RIPOR3: variants seen among roughly 807,000 people sequenced by gnomAD.
RIPOR3 encodes family with sequence similarity 65 member C.
Under a neutral mutation model 114.3 loss-of-function variants are expected in RIPOR3, and 95 were observed. That is an observed-to-expected ratio of 0.83 (90% confidence interval 0.70 to 0.99). The LOEUF (loss-of-function observed/expected upper bound fraction) is 0.99, where lower values mean the gene tolerates loss of function less well. Among genes scored for constraint, RIPOR3 ranks in the 50% least tolerant of loss-of-function variants. The probability of loss-of-function intolerance (pLI) is 0.00; values close to 1 mark genes in which losing one functional copy is unlikely to be tolerated. For missense variants in RIPOR3, 1,252 were observed against 1,266.9 expected (o/e 0.99, Z 0.18); for synonymous variants, 575 against 543.8 (o/e 1.06, Z -0.80).
intron 1 of RIPOR3, among the ~76,000 whole-genome samples, chr20:50,649,582 C>A (rs1431797664): frequency 6.6e-6 from 1 of 152,212 alleles, no homozygotes; most frequent in Non-Finnish European, 1.5e-5. Context: ...CCCAGCCTGC[C>A]TGTCCCCCAC....
chr20:50,666,360 G>A (rs1350215218), intron 1 of RIPOR3, among the ~76,000 whole-genome samples: 1 of 150,548 alleles, frequency 6.6e-6, no homozygotes, highest in Non-Finnish European at 1.5e-5. Flanking sequence ...AAGTAGCTGG[G>A]ACTACAGGTG....
At chr20:50,685,409 G>T (rs886582444) in intron 1 of RIPOR3, among the ~76,000 whole-genome samples, 1 of 151,236 alleles carries the variant, frequency 6.6e-6, no homozygotes, top group African/African-American at 2.4e-5. Flanking sequence ...TAGAGACGGG[G>T]TTTCACCATC....
chr20:50,659,647 CAAAAAA>C (rs558386174), intron 1 of RIPOR3, among the ~76,000 whole-genome samples: 2 of 78,162 alleles, frequency 2.6e-5, no homozygotes, highest in Admixed American at 1.4e-4. Flanking sequence ...AACTCCGTCT[CAAAAAA>C]AAAAAAAAAA....
chr20:50,640,861 T>C (rs1465011845), intron 1 of RIPOR3, among the ~76,000 whole-genome samples: 4 of 151,984 alleles, frequency 2.6e-5, no homozygotes, highest in East Asian at 1.9e-4. Context: ...TGTGTTATTA[T>C]ATAAGAGTAA....
At chr20:50,616,161 C>T (rs965023358) in intron 3 of RIPOR3, 81 bp from the exon 4 acceptor site, 1 of 1,416,838 alleles carries the variant, frequency 7.1e-7, no homozygotes, top group African/African-American at 1.4e-5. Context: ...ACAATGTCCC[C>T]ACGTGGAGAG....
Position 50,587,346 on chromosome 20 carries a change from G to A in RIPOR3, c.2753-14C>T. On this transcript the variant is annotated splice_polypyrimidine_tract_variant and intron_variant, in intron 21 of 21. Transcript: ENST00000327979. ...GTCCTTTTTCACCTGAAATAGCAAAGGGACCTGTCAGCGGGTTGGATCCTG... is the reference window on the plus strand; with the variant it reads ...GTCCTTTTTCACCTGAAATAGCAAAAGGACCTGTCAGCGGGTTGGATCCTG... 1.9e-6 allele frequency: 3 copies of A among 1,611,434 alleles called. No homozygotes were observed. The highest frequency in any genetic ancestry group is 2.5e-6 in the Non-Finnish European group (3 of 1,178,308).
intron 9 of RIPOR3, 56 bp downstream of exon 9, chr20:50,608,856 G>A (rs1309493951): frequency 1.3e-5 from 21 of 1,606,076 alleles, no homozygotes; most frequent in East Asian, 4.5e-5. Flanking sequence ...AGCAGCTCCC[G>A]TCCCCCAAAG....
chr20:50,616,191 G>A, intron 3 of RIPOR3, 111 bp from the exon 4 acceptor site: 1 of 1,051,404 alleles, frequency 9.5e-7, no homozygotes, highest in East Asian at 2.6e-5. Flanking sequence ...GGCTCAGCGG[G>A]GCTCAGAGGC....
At chr20:50,594,190 C>T (rs750799134) in intron 17 of RIPOR3, among the ~76,000 whole-genome samples, 5 of 151,332 alleles carry the variant, frequency 3.3e-5, no homozygotes, top group Non-Finnish European at 5.9e-5. Flanking sequence ...GCAGAAGAAT[C>T]GCTTGAACCC....
At chr20:50,688,652 A>G (rs1285694556) in intron 1 of RIPOR3, among the ~76,000 whole-genome samples, 7 of 152,182 alleles carry the variant, frequency 4.6e-5, no homozygotes, top group Non-Finnish European at 4.4e-5. Context: ...ACTGAGGAGG[A>G]AGCCATTCTC....
chr20:50,603,752 T>G (rs961586325), intron 12 of RIPOR3, among the ~76,000 whole-genome samples: 1 of 152,250 alleles, frequency 6.6e-6, no homozygotes, highest in African/African-American at 2.4e-5. Flanking sequence ...AGTGTGAATC[T>G]GGGTACACGG....
In RIPOR3 at chr20:50,597,677, C is replaced by G; in HGVS notation, c.1693G>C (p.Glu565Gln). Residue 565 changes from glutamate (E) to glutamine (Q), a missense_variant, in exon 14 of 22, where the codon GAG becomes CAG. Coordinates refer to ENST00000327979, the MANE Select transcript of RIPOR3 (RefSeq NM_001290268.2). Reference protein sequence around the residue: ...CRARQEHTSAESLMECILESF... With the variant: ...CRARQEHTSAQSLMECILESF... ...TCCAGGATGCACTCCATCAGGCTCTCGGCCGAGGTGTGCTCCTGCCGTGCT... is the reference window on the plus strand; with the variant it reads ...TCCAGGATGCACTCCATCAGGCTCTGGGCCGAGGTGTGCTCCTGCCGTGCT... 2 of 1,611,902 alleles carry G rather than the reference C, an allele frequency of 1.2e-6. No individual in the cohort carries two copies. The highest frequency in any genetic ancestry group is 8.5e-7 in the Non-Finnish European group (1 of 1,179,148).
chr20:50,633,262 AAAAAAACAAAAAAC>A (rs1055775538), intron 1 of RIPOR3, among the ~76,000 whole-genome samples: 2 of 151,912 alleles, frequency 1.3e-5, no homozygotes, highest in African/African-American at 2.4e-5. Flanking sequence ...ACTCTGACTA[AAAAAAACAAAAAAC>A]AAAAAACAAA....
At position 50,691,118 on chromosome 20, in the gene RIPOR3, ACACT is replaced by A; in HGVS notation, c.3+4_3+7del. ...GGCACACATGGGGAGCAGTCACTTC[ACACT>A]CACCATCGAGCAGGTCTGGACACTC... is the stretch of plus-strand genomic sequence containing the variant. On this transcript the variant is annotated splice_donor_5th_base_variant and intron_variant, in intron 1 of 21. Transcript: ENST00000327979. 3.1e-6 allele frequency: 4 copies of A among 1,289,442 alleles called. No homozygotes were observed. The highest frequency in any genetic ancestry group is 4.0e-6 in the Non-Finnish European group (4 of 988,856). 79.9% of individuals were successfully genotyped at this position (1,289,442 alleles called of 1,614,324 possible). A position where few individuals can be genotyped will look rare whatever the true frequency, so the allele number is the denominator to read the frequency against.
At chr20:50,688,727 A>C (rs2087109586) in intron 1 of RIPOR3, among the ~76,000 whole-genome samples, 1 of 152,204 alleles carries the variant, frequency 6.6e-6, no homozygotes, top group South Asian at 2.1e-4. Flanking sequence ...GGGAGTTTAC[A>C]GAGATGGCAC....
chr20:50,654,569 G>C (rs2085742150), intron 1 of RIPOR3, among the ~76,000 whole-genome samples: 1 of 151,352 alleles, frequency 6.6e-6, no homozygotes, highest in South Asian at 2.1e-4. Flanking sequence ...CCAGCACTAA[G>C]AGGACAGGAC....
At position 50,602,142 on chromosome 20, in the gene RIPOR3, G is replaced by A. The variant is rs771729586; in HGVS notation, c.1589C>T (p.Pro530Leu). The change falls in exon 13 of 22, where the codon CCC (proline) becomes CTC (leucine). Residue 530 changes from proline to leucine, a missense_variant. Transcript: ENST00000327979. This position sits in a 1 kb window ranked among gnomAD's most constrained non-coding sequence, Gnocchi z 4.3. ...PLQEVLELLR[P>L]TDSTQPQLRE... ...GAGCTGGGGCTGGGTGGAGTCCGTG[G>A]GCCTCAGCAACTCCAGGACCTCCTG... 3.1e-6 allele frequency: 5 copies of A among 1,611,864 alleles called. No individual in the cohort carries two copies. The Admixed American group carries it at 5.0e-5, about 16-fold the overall frequency.
rs6096021 is a variant in RIPOR3 at position 50,602,234 on chromosome 20, G to A, written c.1497C>T (p.Asn499=). 3,218 of 1,613,848 alleles carry A rather than the reference G, an allele frequency of 2.0e-3. 54 individuals carry two copies. In the African/African-American group the frequency reaches 0.035, roughly 18 times the overall value. Residue 499 remains asparagine, a synonymous_variant, in exon 13 of 22, where the codon AAC becomes AAT. Transcript: ENST00000327979. The surrounding 1 kb of genome is among the most constrained non-coding windows in gnomAD (Gnocchi z 4.3). ...FHSGTASSSQ[N]GHEEGATGDR... The stretch of plus-strand genomic sequence containing the variant: ...CCCCGGTTGCCCCTTCCTCGTGGCC[G>A]TTCTGGCTACTCGAGGCTGTGCCGC...
chr20:50,679,699 G>A (rs2086798492), intron 1 of RIPOR3, among the ~76,000 whole-genome samples: 1 of 151,156 alleles, frequency 6.6e-6, no homozygotes, highest in African/African-American at 2.4e-5. Flanking sequence ...AACCTGGGAG[G>A]CAGAGGTTGC....
Sources: gnomAD v4.1 joint callset for allele counts (sites outside exome capture counted in the v4.1 genomes callset) on GRCh38, gnomAD v4.1.1 for gene constraint, Gnocchi (gnomAD v3.1) non-coding constraint, MANE v1.5 for transcripts, NCBI Gene and HGNC (gene_info 2026-07-23, HGNC 2026-07-21) for gene names.